TLN2: variants seen among roughly 807,000 people sequenced by gnomAD.
TLN2 encodes the protein talin 2.
In TLN2, 118 loss-of-function variants were observed where a neutral mutation model predicts 294.7. That is an observed-to-expected ratio of 0.40 (90% CI 0.34 to 0.47). TLN2 has a LOEUF of 0.47. Among genes scored for constraint, TLN2 ranks in the 20% least tolerant of loss-of-function variants. TLN2 has a pLI of 0.84. For synonymous variants in TLN2, 1,431 were observed against 1,304.5 expected, an observed-to-expected ratio of 1.10 and a Z score of -2.09; for missense variants, 3,083 against 3,282.2, an observed-to-expected ratio of 0.94 and a Z score of 1.48.
intron 1 of TLN2, among the ~76,000 whole-genome samples, chr15:62,577,757 A>G (rs1038174452): frequency 6.6e-6 from 1 of 152,158 alleles, no homozygotes; most frequent in Non-Finnish European, 1.5e-5. Flanking sequence ...GATTTGTTAC[A>G]TAGGTATACA....
intron 1 of TLN2, among the ~76,000 whole-genome samples, chr15:62,544,637 C>T (rs376976523): frequency 2.0e-4 from 30 of 152,116 alleles, no homozygotes; most frequent in African/African-American, 7.0e-4. Flanking sequence ...TCTGCCACTG[C>T]GCCATCCTAC....
chr15:62,717,811 A>C, intron 24 of TLN2, 122 bp downstream of exon 24: 1 of 665,814 alleles, frequency 1.5e-6, no homozygotes, highest in Non-Finnish European at 2.3e-6. Flanking sequence ...AATTTGCCCC[A>C]GTTCCCATGT....
At chr15:62,454,570 T>G (rs1210249689) in intron 1 of TLN2, among the ~76,000 whole-genome samples, 1 of 152,122 alleles carries the variant, frequency 6.6e-6, no homozygotes, top group Non-Finnish European at 1.5e-5. Context: ...GGCAGATGCC[T>G]TAGAGCAAGT....
intron 1 of TLN2, among the ~76,000 whole-genome samples, chr15:62,497,067 C>G (rs1404442923): frequency 6.6e-6 from 1 of 152,106 alleles, no homozygotes; most frequent in Non-Finnish European, 1.5e-5. Flanking sequence ...TGCACTTGCC[C>G]TGTGTGTTGG....
At chr15:62,538,391 C>T (rs1382528877) in intron 1 of TLN2, among the ~76,000 whole-genome samples, 2 of 152,212 alleles carry the variant, frequency 1.3e-5, no homozygotes, top group Admixed American at 1.3e-4. Context: ...CCACTTCAAA[C>T]TATTGTCATC....
At chr15:62,675,430 C>T (rs1301569163) in intron 11 of TLN2, 109 bp downstream of exon 11, 23 of 1,102,290 alleles carry the variant, frequency 2.1e-5, no homozygotes, top group Middle Eastern at 3.0e-4. Context: ...CTAGCATTTG[C>T]GGGTGGAACA....
At chr15:62,557,116 C>G (rs1490338053) in intron 1 of TLN2, among the ~76,000 whole-genome samples, 1 of 152,112 alleles carries the variant, frequency 6.6e-6, no homozygotes, top group Non-Finnish European at 1.5e-5. Context: ...CTGAGAAACC[C>G]TAGGAACACA....
intron 54 of TLN2, among the ~76,000 whole-genome samples, chr15:62,825,819 TATATATTATAATATATAATATATATAA>T: frequency 3.0e-4 from 1 of 3,284 alleles, no homozygotes; most frequent in East Asian, 0.036. Context: ...TATATTATAA[TATATATTATAATATATAATATATATAA>T]ATATATTATA....
rs2058035034 is a variant in TLN2, at chr15:62,692,825, T to C, written c.1114-15T>C. 1 of 1,608,422 alleles carries C rather than the reference T, an allele frequency of 6.2e-7. No individual in the cohort carries two copies. Among genetic ancestry groups the C allele is most frequent in the South Asian group, 1.1e-5 (1 of 90,630 alleles). On this transcript the variant is annotated splice_polypyrimidine_tract_variant and intron_variant, in intron 12 of 58. Transcript: ENST00000636159. ...ATCTGATTTGGCTATATTTCCTCCA[T>C]TGCTGTCTTTTCAGGATTTTGGGGA...
intron 1 of TLN2, among the ~76,000 whole-genome samples, chr15:62,525,437 T>G (rs1056930740): frequency 2.0e-5 from 3 of 152,250 alleles, no homozygotes; most frequent in East Asian, 1.9e-4. Context: ...ACTTCCTAAA[T>G]GGGGTCATTC....
At chr15:62,629,623 A>T in intron 3 of TLN2, among the ~76,000 whole-genome samples, 1 of 152,252 alleles carries the variant, frequency 6.6e-6, no homozygotes, top group East Asian at 1.9e-4. Flanking sequence ...AGGCTAAGCC[A>T]TGAGCCCTTG....
In TLN2 at chr15:62,771,140, G is replaced by A. The variant is rs1411901086; in HGVS notation, c.5367+6G>A. On this transcript the variant is annotated splice_donor_region_variant and intron_variant, in intron 42 of 58. Coordinates refer to ENST00000636159, the MANE Select transcript of TLN2 (RefSeq NM_015059.3). ...AAGGTGGCGGAAACCCCAAGGTATG[G>A]TCCAGGATATCGGGGACTCACTTAG... is the stretch of plus-strand genomic sequence containing the variant. 1 of 1,601,870 alleles carries A rather than the reference G, an allele frequency of 6.2e-7. No individual in the cohort carries two copies. Among genetic ancestry groups the A allele is most frequent in the Admixed American group, 1.7e-5 (1 of 59,544 alleles).
chr15:62,698,270 C>T (rs1230910192), intron 15 of TLN2, among the ~76,000 whole-genome samples: 2 of 152,216 alleles, frequency 1.3e-5, no homozygotes, highest in Non-Finnish European at 2.9e-5. Context: ...GCCTCTCAGG[C>T]CGGCCTTGGG....
intron 1 of TLN2, among the ~76,000 whole-genome samples, chr15:62,480,691 C>A (rs1366734941): frequency 6.6e-6 from 1 of 152,214 alleles, no homozygotes; most frequent in African/African-American, 2.4e-5. Context: ...TTCCAGTCTT[C>A]TGGTCCTGCG....
Position 62,750,385 on chromosome 15 carries a change from G to C in TLN2, c.4120-17G>C, listed in dbSNP as rs1417997028. 6.2e-7 allele frequency: 1 copy of C among 1,608,366 alleles called. No individual in the cohort carries two copies. Among genetic ancestry groups the C allele is most frequent in the Non-Finnish European group, 8.5e-7 (1 of 1,174,814 alleles). ...ATGACATTTGCTTGCTTTTTATGTT[G>C]TGTTCTTCTTCTGTAGACTGTGAAG... is the stretch of plus-strand genomic sequence containing the variant. On this transcript the variant is annotated splice_polypyrimidine_tract_variant and intron_variant, in intron 33 of 58. Coordinates refer to ENST00000636159, the MANE Select transcript of TLN2 (RefSeq NM_015059.3).
At chr15:62,610,071 G>C (rs919512873) in intron 2 of TLN2, among the ~76,000 whole-genome samples, 1 of 152,136 alleles carries the variant, frequency 6.6e-6, no homozygotes, top group Admixed American at 6.5e-5. Context: ...ACTTAGGAGG[G>C]GGTGCCATGG....
chr15:62,709,885 C>T (rs1176449373), intron 21 of TLN2, among the ~76,000 whole-genome samples: 2 of 152,122 alleles, frequency 1.3e-5, no homozygotes, highest in Admixed American at 1.3e-4. Flanking sequence ...CAGGCGCCTG[C>T]CATGATGCCC....
intron 1 of TLN2, among the ~76,000 whole-genome samples, chr15:62,444,585 T>C (rs905594189): frequency 1.3e-5 from 2 of 152,264 alleles, no homozygotes; most frequent in Admixed American, 6.5e-5. Context: ...ACAAGGCTGT[T>C]AGTAACTGGT....
At chr15:62,753,973 T>C (rs113302328) in intron 36 of TLN2, 57 bp downstream of exon 36, 11 of 1,429,642 alleles carry the variant, frequency 7.7e-6, no homozygotes, top group South Asian at 3.3e-5. Flanking sequence ...TCTAGGTAAG[T>C]TGTGGGAGAC....
Sources: allele counts gnomAD v4.1 joint callset (sites outside exome capture counted in the v4.1 genomes callset), GRCh38; gene constraint gnomAD v4.1.1; transcripts MANE v1.5; gene names NCBI Gene and HGNC (gene_info 2026-07-23, HGNC 2026-07-21).